The following CALN1 variants were observed in gnomAD, a reference collection of about 807,000 sequenced individuals.
CALN1 encodes the protein calneuron 1.
Under a neutral mutation model 30.6 loss-of-function variants are expected in CALN1, and 17 were observed. The ratio of observed to expected loss-of-function variants is 0.56; its 90% CI spans 0.38 to 0.83. The LOEUF (loss-of-function observed/expected upper bound fraction) is 0.83, where lower values mean the gene tolerates loss of function less well. Among genes scored for constraint, CALN1 ranks in the 40% least tolerant of loss-of-function variants. The pLI, the probability that CALN1 is intolerant of heterozygous loss-of-function variation, is 0.00. For synonymous variants in CALN1, 156 were observed against 131.4 expected, an observed-to-expected ratio of 1.19 and a Z score of -1.28; for missense variants, 291 against 354.9, an observed-to-expected ratio of 0.82 and a Z score of 1.45.
chr7:71,964,528 T>C (rs1266727773), intron 5 of CALN1, among the ~76,000 whole-genome samples: 1 of 152,120 alleles, frequency 6.6e-6, no homozygotes, highest in East Asian at 1.9e-4. Flanking sequence ...TGTAAGGTTT[T>C]ATTGAGTGGT....
At chr7:72,261,302 T>C (rs185850808) in intron 3 of CALN1, among the ~76,000 whole-genome samples, 153 of 152,184 alleles carry the variant, frequency 1.0e-3, no homozygotes, top group African/African-American at 3.5e-3. Context: ...AGCGAGACTC[T>C]GTCTCAAAAA....
chr7:72,395,068 C>T (rs545685973), intron 2 of CALN1, among the ~76,000 whole-genome samples: 11 of 152,270 alleles, frequency 7.2e-5, no homozygotes, highest in Admixed American at 2.6e-4. Flanking sequence ...TGCATGTATC[C>T]TAACACATAA....
chr7:71,812,348 T>G (rs971571319), intron 5 of CALN1, among the ~76,000 whole-genome samples: 2 of 152,202 alleles, frequency 1.3e-5, no homozygotes, highest in African/African-American at 4.8e-5. Flanking sequence ...AAAGACAATG[T>G]ACTGGTTCCG....
At chr7:72,053,296 A>AG (rs1480074115) in intron 4 of CALN1, among the ~76,000 whole-genome samples, 1 of 152,244 alleles carries the variant, frequency 6.6e-6, no homozygotes, top group African/African-American at 2.4e-5. Flanking sequence ...AAAGACTCCC[A>AG]GAAAGTAAAA....
At chr7:71,810,280 G>A in intron 6 of CALN1, 56 bp downstream of exon 6, 2 of 1,563,824 alleles carry the variant, frequency 1.3e-6, no homozygotes. Flanking sequence ...CATATAGAGA[G>A]TGTGGTGCAT....
chr7:72,237,004 G>A (rs1794515560), intron 3 of CALN1, among the ~76,000 whole-genome samples: 1 of 149,096 alleles, frequency 6.7e-6, no homozygotes, highest in Non-Finnish European at 1.5e-5. Flanking sequence ...TTTTTTTTGA[G>A]ATGGAGTTTC....
At chr7:72,048,534 T>C (rs1802628556) in intron 4 of CALN1, among the ~76,000 whole-genome samples, 1 of 152,162 alleles carries the variant, frequency 6.6e-6, no homozygotes, top group African/African-American at 2.4e-5. Context: ...GATATGAACT[T>C]TTTACTTATA....
chr7:71,954,720 C>T (rs1258217353), intron 5 of CALN1, among the ~76,000 whole-genome samples: 1 of 152,126 alleles, frequency 6.6e-6, no homozygotes, highest in African/African-American at 2.4e-5. Context: ...TCATCAGTGA[C>T]CTCCACTAGA....
At chr7:72,434,553 G>C (rs763601002) in intron 1 of CALN1, among the ~76,000 whole-genome samples, 8 of 151,510 alleles carry the variant, frequency 5.3e-5, no homozygotes, top group Non-Finnish European at 1.0e-4. Context: ...AGGAGAAGGA[G>C]GGGAAGAGGA....
At chr7:72,311,829 A>T (rs916151750) in intron 2 of CALN1, among the ~76,000 whole-genome samples, 1 of 151,736 alleles carries the variant, frequency 6.6e-6, no homozygotes, top group Non-Finnish European at 1.5e-5. Flanking sequence ...AAGTAAGGTG[A>T]TCTGTGAAGG....
intron 3 of CALN1, among the ~76,000 whole-genome samples, chr7:72,187,800 T>C (rs1323094712): frequency 6.6e-6 from 1 of 152,206 alleles, no homozygotes; most frequent in Admixed American, 6.5e-5. Context: ...TTACTGGCTC[T>C]CTCAGTGAAT....
the CALN1 span, among the ~76,000 whole-genome samples, chr7:72,497,015 T>C: frequency 2.0e-5 from 3 of 152,154 alleles, no homozygotes; most frequent in Admixed American, 2.0e-4. Context: ...GTAAGTACGC[T>C]CTCAAATCCT....
intron 3 of CALN1, among the ~76,000 whole-genome samples, chr7:72,258,910 AG>A (rs141805801): frequency 0.32 from 45,300 of 142,800 alleles, 8,390 homozygotes; most frequent in Middle Eastern, 0.51. Context: ...AAAAAAAAAA[AG>A]AAAGAAAGAA....
At chr7:72,144,379 G>A (rs1312132594) in intron 3 of CALN1, among the ~76,000 whole-genome samples, 2 of 152,142 alleles carry the variant, frequency 1.3e-5, no homozygotes, top group Non-Finnish European at 1.5e-5. Flanking sequence ...GACAAAGAAG[G>A]CCATTACATA....
chr7:72,419,067 G>A (rs1052705382), intron 1 of CALN1, among the ~76,000 whole-genome samples: 10 of 152,026 alleles, frequency 6.6e-5, no homozygotes, highest in African/African-American at 1.7e-4. Context: ...AAGCCTAGAA[G>A]TAGATTCCCA....
chr7:71,871,477 C>T (rs1362159635), intron 5 of CALN1, among the ~76,000 whole-genome samples: 5 of 152,142 alleles, frequency 3.3e-5, no homozygotes, highest in Non-Finnish European at 5.9e-5. Flanking sequence ...CCGGGCACCA[C>T]AGCTCACTCC....
intron 3 of CALN1, among the ~76,000 whole-genome samples, chr7:72,257,009 T>C (rs2129552485): frequency 6.6e-6 from 1 of 152,258 alleles, no homozygotes. Flanking sequence ...ACCCAAGACT[T>C]GGTAATTTAT....
intron 5 of CALN1, among the ~76,000 whole-genome samples, chr7:71,941,718 G>C (rs1038160259): frequency 1.3e-5 from 2 of 152,206 alleles, no homozygotes; most frequent in African/African-American, 4.8e-5. Context: ...GGGTTAGTTA[G>C]CATCATCATG....
At chr7:72,061,181 AAAG>A (rs1803622034) in intron 4 of CALN1, among the ~76,000 whole-genome samples, 1 of 152,246 alleles carries the variant, frequency 6.6e-6, no homozygotes, top group Non-Finnish European at 1.5e-5. Context: ...TGGAGGATTT[AAAG>A]AAGAGCCGGG....
Sources: gnomAD v4.1 joint callset for allele counts (sites outside exome capture counted in the v4.1 genomes callset) on GRCh38, gnomAD v4.1.1 for gene constraint, MANE v1.5 for transcripts, NCBI Gene and HGNC (gene_info 2026-07-23, HGNC 2026-07-21) for gene names.